Variants in FSTL4 observed in about 807,000 individuals in gnomAD.
The protein encoded by FSTL4 is follistatin like 4, also known as follistatin-related protein 4.
In FSTL4, 28 loss-of-function variants were observed where a neutral mutation model predicts 78.2. The observed-to-expected ratio is 0.36, with a 90% CI of 0.27 to 0.49. The LOEUF (loss-of-function observed/expected upper bound fraction) is 0.49. FSTL4 is among the 20% of genes least tolerant of loss of function. The pLI, the probability that FSTL4 is intolerant of heterozygous loss-of-function variation, is 0.98. For missense variants in FSTL4, 922 were observed against 1,084.9 expected (o/e 0.85, Z 2.11); for synonymous variants, 422 against 440.5 (o/e 0.96, Z 0.53).
At chr5:133,758,265 A>G in the FSTL4 span, among the ~76,000 whole-genome samples, 2 of 152,234 alleles carry the variant, frequency 1.3e-5, no homozygotes, top group Non-Finnish European at 2.9e-5. Context: ...GAGAATAGAT[A>G]TATCACTGAA....
intron 3 of FSTL4, among the ~76,000 whole-genome samples, chr5:133,413,968 T>C (rs976653505): frequency 6.6e-6 from 1 of 152,120 alleles, no homozygotes; most frequent in Non-Finnish European, 1.5e-5. Context: ...ATATTCGGTA[T>C]CATTTTGTTA....
intron 13 of FSTL4, among the ~76,000 whole-genome samples, chr5:133,215,144 CCTTGAAACACACTCTT>C (rs1484035676): frequency 6.6e-6 from 1 of 152,200 alleles, no homozygotes; most frequent in Non-Finnish European, 1.5e-5. Flanking sequence ...AGCACAACTC[CCTTGAAACACACTCTT>C]CTTTTAGCTT....
chr5:133,296,750 G>C (rs935977484), intron 6 of FSTL4, among the ~76,000 whole-genome samples: 1 of 152,142 alleles, frequency 6.6e-6, no homozygotes, highest in African/African-American at 2.4e-5. Context: ...TGTAATCTAC[G>C]CATCCATTGT....
chr5:133,639,679 TG>T, the FSTL4 span, among the ~76,000 whole-genome samples: 1 of 152,152 alleles, frequency 6.6e-6, no homozygotes, highest in African/African-American at 2.4e-5. Flanking sequence ...GGAAGGGCAA[TG>T]GGTGCAGAGG....
chr5:133,746,014 G>C, the FSTL4 span, among the ~76,000 whole-genome samples: 1 of 152,156 alleles, frequency 6.6e-6, no homozygotes, highest in Non-Finnish European at 1.5e-5. Context: ...TTCAAAGAAG[G>C]ACTCATTTTC....
the FSTL4 span, among the ~76,000 whole-genome samples, chr5:133,674,431 C>T: frequency 2.0e-5 from 3 of 152,058 alleles, no homozygotes; most frequent in Non-Finnish European, 4.4e-5. Flanking sequence ...TGAGGATATA[C>T]CCTTCACACA....
At chr5:133,615,041 C>A (rs1021992004), upstream of FSTL4, among the ~76,000 whole-genome samples, 2 of 152,192 alleles carry the variant, frequency 1.3e-5, no homozygotes, top group African/African-American at 2.4e-5. Flanking sequence ...TCTCTTAGGA[C>A]ATTTCAGATT....
At chr5:133,428,238 AC>A (rs1469998228) in intron 3 of FSTL4, among the ~76,000 whole-genome samples, 2 of 152,178 alleles carry the variant, frequency 1.3e-5, no homozygotes, top group Non-Finnish European at 2.9e-5. Flanking sequence ...GATCTATTTT[AC>A]CTGGGTATGC....
chr5:133,325,060 G>C (rs533761018), intron 4 of FSTL4, among the ~76,000 whole-genome samples: 1 of 152,272 alleles, frequency 6.6e-6, no homozygotes, highest in African/African-American at 2.4e-5. Context: ...CAAGGCAGCT[G>C]CCTGGGAATT....
At chr5:133,556,996 T>C (rs1477387048) in intron 3 of FSTL4, among the ~76,000 whole-genome samples, 1 of 152,250 alleles carries the variant, frequency 6.6e-6, no homozygotes, top group Non-Finnish European at 1.5e-5. Context: ...AAGGATGTCA[T>C]GTTTGGGGTA....
chr5:133,801,887 C>T, the FSTL4 span, among the ~76,000 whole-genome samples: 24,580 of 152,204 alleles, frequency 0.16, 2,375 homozygotes, highest in East Asian at 0.43. Flanking sequence ...CAGCCCTGTG[C>T]TCTCTGGTCA....
chr5:133,208,019 T>G (rs1212686042), intron 14 of FSTL4: 2 of 152,168 alleles, frequency 1.3e-5, no homozygotes, highest in East Asian at 1.9e-4. Flanking sequence ...TCATTGTCTC[T>G]CTCCTCATTC....
chr5:133,797,284 G>T, the FSTL4 span, among the ~76,000 whole-genome samples: 1 of 152,248 alleles, frequency 6.6e-6, no homozygotes, highest in Non-Finnish European at 1.5e-5. Context: ...AGTTTAGGTG[G>T]ATTCATGGAT....
At chr5:133,671,570 G>T in the FSTL4 span, among the ~76,000 whole-genome samples, 29 of 152,158 alleles carry the variant, frequency 1.9e-4, no homozygotes, top group Non-Finnish European at 4.0e-4. Context: ...GGGTACACTC[G>T]CCAGCAGTTT....
At chr5:133,616,310 A>AATCTATCT (rs374635447), upstream of FSTL4, among the ~76,000 whole-genome samples, 39,573 of 147,016 alleles carry the variant, frequency 0.27, 5,403 homozygotes, top group East Asian at 0.3. Flanking sequence ...TGAAAATCTA[A>AATCTATCT]ATCTATCTAT....
intron 3 of FSTL4, among the ~76,000 whole-genome samples, chr5:133,547,647 C>T (rs969458200): frequency 6.6e-6 from 1 of 152,136 alleles, no homozygotes; most frequent in African/African-American, 2.4e-5. Flanking sequence ...GGATTAATTA[C>T]CACAAAAGCG....
chr5:133,503,418 G>A (rs1459813914), intron 3 of FSTL4, among the ~76,000 whole-genome samples: 1 of 152,060 alleles, frequency 6.6e-6, no homozygotes, highest in African/African-American at 2.4e-5. Context: ...CAATAAGCTC[G>A]CATAAGCCAG....
chr5:133,739,061 A>G, the FSTL4 span, among the ~76,000 whole-genome samples: 4 of 152,162 alleles, frequency 2.6e-5, no homozygotes, highest in African/African-American at 9.7e-5. Context: ...TGTGCCCCTC[A>G]GAGCCCACAG....
chr5:133,410,783 A>T (rs904322901), intron 3 of FSTL4, among the ~76,000 whole-genome samples: 7 of 152,220 alleles, frequency 4.6e-5, no homozygotes, highest in African/African-American at 1.4e-4. Flanking sequence ...CCATTTTCTA[A>T]TCAGGAGCAT....
Sources: allele counts gnomAD v4.1 joint callset (sites outside exome capture counted in the v4.1 genomes callset), GRCh38; gene constraint gnomAD v4.1.1; transcripts MANE v1.5; gene names NCBI Gene and HGNC (gene_info 2026-07-23, HGNC 2026-07-21).